The following GASK1A variants were observed in gnomAD, a reference collection of about 807,000 sequenced individuals.
The protein encoded by GASK1A is golgi associated kinase 1A.
Under a neutral mutation model 41.2 loss-of-function variants are expected in GASK1A, and 40 were observed. The ratio of observed to expected loss-of-function variants is 0.97; its 90% CI spans 0.75 to 1.27. GASK1A has a LOEUF of 1.27. Among genes scored for constraint, GASK1A ranks in the 50% most tolerant of loss-of-function variants. The pLI is 0.00. For missense variants in GASK1A, 678 were observed against 745.1 expected, an observed-to-expected ratio of 0.91 and a Z score of 1.05; for synonymous variants, 316 against 307.1, an observed-to-expected ratio of 1.03 and a Z score of -0.30.
chr3:43,054,717 G>A lies in GASK1A; in HGVS notation c.1414-715G>A, dbSNP rs79661699. ...GACCAGAAGAGATGGCCTCCCATTCGCAACCACACCATATTCTTTAAGGTA... is the reference window on the plus strand; with the variant it reads ...GACCAGAAGAGATGGCCTCCCATTCACAACCACACCATATTCTTTAAGGTA... On this transcript the variant is annotated intron_variant, in intron 3 of 4. Transcript: ENST00000430121. 5.8e-3 allele frequency among the ~76,000 whole-genome samples: 886 copies of A among 152,288 alleles called. 5 individuals are homozygous for A. Among genetic ancestry groups the A allele is most frequent in the South Asian group, 0.011 (53 of 4,816 alleles).
rs115503261 is a variant in GASK1A at position 43,021,531 on chromosome 3, C to T, written c.4-10736C>T. Among the ~76,000 whole-genome samples, 643 of 152,254 alleles carry T rather than the reference C, an allele frequency of 4.2e-3. 9 individuals carry two copies. The highest frequency in any genetic ancestry group is 0.015 in the African/African-American group (622 of 41,538). On this transcript the variant is annotated intron_variant, in intron 1 of 4. Coordinates refer to ENST00000430121, the MANE Select transcript of GASK1A (RefSeq NM_001129908.3). ...CCAGGAAGAGGAGTATTTTCAGACC[C>T]CTGAAAGGTAGACTGTATCCAGAAG...
At chr3:42,982,611 G>C (rs1575432271) in intron 1 of GASK1A, among the ~76,000 whole-genome samples, 2 of 152,248 alleles carry the variant, frequency 1.3e-5, no homozygotes, top group Middle Eastern at 6.8e-3. Flanking sequence ...TGGACATTTA[G>C]GTCACTTCAG....
intron 1 of GASK1A, among the ~76,000 whole-genome samples, chr3:43,019,329 A>G (rs1459354371): frequency 6.6e-6 from 1 of 152,092 alleles, no homozygotes; most frequent in Non-Finnish European, 1.5e-5. Flanking sequence ...CCCACAGTGG[A>G]GCAAACAGCC....
rs984661476 is a variant in GASK1A, at chr3:43,024,651, C to T, written c.4-7616C>T. On this transcript the variant is annotated intron_variant, in intron 1 of 4. Coordinates refer to ENST00000430121, the MANE Select transcript of GASK1A (RefSeq NM_001129908.3). ...TGGAGGAGCCCTCTTCACCAGCAGACGTGCAGTGCCACAGGCCAGGGAACA... is the reference window on the plus strand; with the variant it reads ...TGGAGGAGCCCTCTTCACCAGCAGATGTGCAGTGCCACAGGCCAGGGAACA... Among the ~76,000 whole-genome samples the T allele has an allele frequency of 3.9e-5, 6 of 152,126 alleles. No individual in the cohort carries two copies. The East Asian group carries it at 5.8e-4, about 15-fold the overall frequency.
intron 2 of GASK1A, among the ~76,000 whole-genome samples, chr3:43,036,198 GGGCAGACATGACTC>G (rs2089603255): frequency 6.6e-6 from 1 of 152,194 alleles, no homozygotes; most frequent in Non-Finnish European, 1.5e-5. Flanking sequence ...TTGGTTATAT[GGGCAGACATGACTC>G]GGCTGGGCTC....
chr3:43,053,919 A>G, intron 3 of GASK1A: 1 of 505,698 alleles, frequency 2.0e-6, no homozygotes, highest in Non-Finnish European at 3.7e-6. Context: ...GACTCCAGGG[A>G]ACAACTAGGG....
At chr3:43,044,803 T>G (rs1165533433) in intron 2 of GASK1A, among the ~76,000 whole-genome samples, 1 of 152,176 alleles carries the variant, frequency 6.6e-6, no homozygotes, top group Non-Finnish European at 1.5e-5. Flanking sequence ...TCAATTTCAG[T>G]GCACATAAGG....
chr3:42,981,110 C>T (rs928990935), intron 1 of GASK1A, among the ~76,000 whole-genome samples: 1 of 152,176 alleles, frequency 6.6e-6, no homozygotes, highest in African/African-American at 2.4e-5. Context: ...GTAAGCTTCC[C>T]GTTCTGTGAG....
chr3:43,037,197 T>C, intron 2 of GASK1A: 1 of 1,145,410 alleles, frequency 8.7e-7, no homozygotes, highest in South Asian at 1.3e-5. Flanking sequence ...TAAGTCAAAA[T>C]CTGGGGGATC....
intron 3 of GASK1A, 82 bp from the exon 4 acceptor site, chr3:43,055,350 C>T (rs1293790468): frequency 5.1e-6 from 5 of 980,336 alleles, no homozygotes; most frequent in Non-Finnish European, 7.9e-6. Context: ...GCTGTCAGCC[C>T]CTTAATCTTG....
At chr3:43,008,732 C>T (rs1028747759) in intron 1 of GASK1A, among the ~76,000 whole-genome samples, 1 of 152,194 alleles carries the variant, frequency 6.6e-6, no homozygotes, top group Non-Finnish European at 1.5e-5. Flanking sequence ...GTCAACTGCA[C>T]TTAGGAGCAG....
At chr3:43,050,123 GT>G (rs1370513408) in intron 2 of GASK1A, among the ~76,000 whole-genome samples, 2 of 151,434 alleles carry the variant, frequency 1.3e-5, no homozygotes, top group Non-Finnish European at 2.9e-5. Context: ...GAGCTTTTTA[GT>G]TCTTGACATT....
intron 1 of GASK1A, among the ~76,000 whole-genome samples, chr3:42,997,434 GA>G (rs756455604): frequency 0.27 from 29,396 of 107,672 alleles, 4,041 homozygotes; most frequent in East Asian, 0.5. Context: ...GAGAGACAGA[GA>G]GAGGGGGGGG....
In GASK1A at chr3:43,032,733, GC is replaced by G; in HGVS notation, c.471del (p.Ser158ValfsTer34). On this transcript the variant is annotated frameshift_variant, in exon 2 of 5. Transcript: ENST00000430121. LOFTEE classifies it high-confidence loss of function. ...GTKDLGHPQH[G>X]SPIQETQSEV... ...AAAGACCTGGGCCACCCCCAGCATG[GC>G]AGTCCCATCCAGGAGACACAGAGTG... 3 of 1,551,484 alleles carry G rather than the reference GC, an allele frequency of 1.9e-6. No homozygotes were observed. The highest frequency in any genetic ancestry group is 2.6e-6 in the Non-Finnish European group (3 of 1,146,992).
At chr3:43,047,787 A>T (rs2089670982) in intron 2 of GASK1A, among the ~76,000 whole-genome samples, 1 of 152,166 alleles carries the variant, frequency 6.6e-6, no homozygotes, top group Admixed American at 6.5e-5. Context: ...GCAGAAAGCA[A>T]CCCAAGTCCT....
At chr3:42,998,464 G>A (rs938621085) in intron 1 of GASK1A, among the ~76,000 whole-genome samples, 3 of 152,196 alleles carry the variant, frequency 2.0e-5, no homozygotes, top group South Asian at 2.1e-4. Flanking sequence ...TAATGGGAGC[G>A]ACCACCTTTT....
Position 42,979,569 on chromosome 3 carries a change from G to A in GASK1A, c.-74G>A. On this transcript the variant is annotated 5_prime_UTR_variant, in exon 1 of 5. Coordinates refer to ENST00000430121, the MANE Select transcript of GASK1A (RefSeq NM_001129908.3). ...CCTGGCGAGCCACGGCGCCGGGGGC[G>A]GCCAAGGGGAGGCGGGATGAGTCTG... 2.4e-6 allele frequency: 3 copies of A among 1,236,068 alleles called. No homozygotes were observed. The highest frequency in any genetic ancestry group is 2.0e-6 in the Non-Finnish European group (2 of 986,148). The allele number at this position is 1,236,068 out of a possible 1,614,324, so 76.6% of individuals were successfully genotyped here.
chr3:42,993,247 A>C (rs1204198466), intron 1 of GASK1A, among the ~76,000 whole-genome samples: 2 of 152,364 alleles, frequency 1.3e-5, no homozygotes, highest in East Asian at 3.9e-4. Flanking sequence ...TGTTTCTTCA[A>C]TAATGAATGT....
intron 2 of GASK1A, chr3:43,037,330 G>A: frequency 2.3e-6 from 2 of 888,286 alleles, no homozygotes; most frequent in Non-Finnish European, 3.8e-6. Context: ...CACTCTGAAA[G>A]TGCCTTGAAT....
Sources: gnomAD v4.1 joint callset for allele counts (sites outside exome capture counted in the v4.1 genomes callset) on GRCh38, gnomAD v4.1.1 for gene constraint, MANE v1.5 for transcripts, NCBI Gene and HGNC (gene_info 2026-07-23, HGNC 2026-07-21) for gene names.